USP47: variants seen among roughly 807,000 people sequenced by gnomAD.
USP47 encodes the protein ubiquitin specific peptidase 47, also known as ubiquitin carboxyl-terminal hydrolase 47.
In USP47, 35 loss-of-function variants were observed where a neutral mutation model predicts 165.1. The ratio of observed to expected loss-of-function variants is 0.21; its 90% CI spans 0.16 to 0.28. The LOEUF (loss-of-function observed/expected upper bound fraction) is 0.28. Among genes scored for constraint, USP47 ranks in the 10% least tolerant of loss-of-function variants. The pLI is 1.00. For missense variants in USP47, 1,277 were observed against 1,607.4 expected (o/e 0.79, Z 3.52); for synonymous variants, 531 against 544.5 (o/e 0.98, Z 0.35).
intron 1 of USP47, among the ~76,000 whole-genome samples, chr11:11,875,064 TG>T (rs1270240235): frequency 9.2e-5 from 14 of 151,608 alleles, no homozygotes; most frequent in South Asian, 2.1e-4. Flanking sequence ...TGTGTGTGTG[TG>T]TGTGTGTGTG....
chr11:11,946,767 A>G (rs1439568797), intron 20 of USP47, among the ~76,000 whole-genome samples: 2 of 152,168 alleles, frequency 1.3e-5, no homozygotes, highest in Non-Finnish European at 2.9e-5. Context: ...ATTAAGAGAA[A>G]TGCTGCCTCA....
At chr11:11,951,227 C>A (rs1222149469) in intron 24 of USP47, 1 of 152,152 alleles carries the variant, frequency 6.6e-6, no homozygotes, top group East Asian at 1.9e-4. Context: ...GTATTGTTTT[C>A]CCCTTTTTCA....
chr11:11,929,143 C>T lies in USP47; in HGVS notation c.1387-291C>T, dbSNP rs564558335. Among the ~76,000 whole-genome samples the T allele has an allele frequency of 2.6e-4, 39 of 151,978 alleles. 2 individuals carry two copies. In the South Asian group the frequency reaches 8.1e-3, roughly 32 times the overall value. On this transcript the variant is annotated intron_variant, in intron 11 of 27. Coordinates refer to ENST00000527733, the MANE Select transcript of USP47 (RefSeq NM_001282659.2). The stretch of plus-strand genomic sequence containing the variant: ...TAGCATCTGCTTCTGAAATTTTAGA[C>T]TATTATTTAATTTTTACATATGTAA...
intron 1 of USP47, among the ~76,000 whole-genome samples, chr11:11,844,442 C>T (rs1416402452): frequency 6.6e-6 from 1 of 152,118 alleles, no homozygotes; most frequent in Non-Finnish European, 1.5e-5. Flanking sequence ...TAATCATCAT[C>T]TAAGTTACCC....
chr11:11,921,242 TG>T, intron 10 of USP47, among the ~76,000 whole-genome samples: 1 of 151,492 alleles, frequency 6.6e-6, no homozygotes, highest in Admixed American at 6.6e-5. Flanking sequence ...GTTTTTTTTT[TG>T]TTTTGTTTTG....
intron 1 of USP47, among the ~76,000 whole-genome samples, chr11:11,862,022 G>A (rs1309017581): frequency 7.4e-6 from 1 of 135,482 alleles, no homozygotes; most frequent in Non-Finnish European, 1.6e-5. Context: ...CAGGTACAAA[G>A]TCTTTTTTTT....
intron 1 of USP47, among the ~76,000 whole-genome samples, chr11:11,850,349 T>C (rs747682629): frequency 2.0e-5 from 3 of 151,958 alleles, no homozygotes; most frequent in Non-Finnish European, 4.4e-5. Context: ...CAACTTTGTC[T>C]TCCAGTTTTT....
At chr11:11,854,052 G>T (rs560448246) in intron 1 of USP47, among the ~76,000 whole-genome samples, 1 of 148,082 alleles carries the variant, frequency 6.8e-6, no homozygotes, top group Admixed American at 6.8e-5. Context: ...GGAGAATGGC[G>T]TGAACCCAGA....
chr11:11,896,374 C>A (rs1391110058), intron 4 of USP47, among the ~76,000 whole-genome samples: 1 of 152,124 alleles, frequency 6.6e-6, no homozygotes, highest in Non-Finnish European at 1.5e-5. Context: ...ATTGGTTCTC[C>A]CCCAGACTGT....
chr11:11,922,974 A>G, intron 11 of USP47, 83 bp downstream of exon 11: 1 of 1,280,856 alleles, frequency 7.8e-7, no homozygotes, highest in Non-Finnish European at 1.1e-6. Context: ...GTTGTGACTG[A>G]TAAAGTTATC....
intron 20 of USP47, among the ~76,000 whole-genome samples, chr11:11,946,399 A>G (rs1855842238): frequency 6.6e-6 from 1 of 152,248 alleles, no homozygotes; most frequent in Non-Finnish European, 1.5e-5. Flanking sequence ...CCTATGACAC[A>G]GCACTACTAG....
rs1375662688 is a variant in USP47, at chr11:11,957,529, TAG to T, written c.*1355_*1356del. The T allele has an allele frequency of 2.0e-5, 3 of 152,688 alleles. No individual in the cohort carries two copies. The highest frequency in any genetic ancestry group is 7.2e-5 in the African/African-American group (3 of 41,480). The allele number at this position is 152,688 out of a possible 1,614,324, so 9.5% of individuals were successfully genotyped here. A position where few individuals can be genotyped will look rare whatever the true frequency, so the allele number is the denominator to read the frequency against. On this transcript the variant is annotated 3_prime_UTR_variant, in exon 28 of 28. Transcript: ENST00000527733. ...ATTTGTTCATTCTGTTGTGTTATTT[TAG>T]TCATTAAACTTCTGTGGATGAAGAA...
At position 11,936,520 on chromosome 11, in the gene USP47, T is replaced by A; in HGVS notation, c.2077+10T>A. 1 of 1,556,338 alleles carries A rather than the reference T, an allele frequency of 6.4e-7. No individual in the cohort carries two copies. Among genetic ancestry groups the A allele is most frequent in the Non-Finnish European group, 8.7e-7 (1 of 1,145,746 alleles). ...TCTTATAAACCTGGAGGTGAGCAAT[T>A]TTACACTATTTTTAGTTGTTCTGTA... On this transcript the variant is annotated intron_variant, in intron 17 of 27. Coordinates refer to ENST00000527733, the MANE Select transcript of USP47 (RefSeq NM_001282659.2).
At chr11:11,857,313 A>G (rs749870237) in intron 1 of USP47, among the ~76,000 whole-genome samples, 9 of 152,064 alleles carry the variant, frequency 5.9e-5, no homozygotes, top group Non-Finnish European at 1.2e-4. Context: ...TATATAATCT[A>G]TTATTTTATA....
At chr11:11,887,756 A>G (rs763157240) in intron 3 of USP47, among the ~76,000 whole-genome samples, 15 of 152,180 alleles carry the variant, frequency 9.9e-5, no homozygotes, top group Non-Finnish European at 1.9e-4. Flanking sequence ...TCCCCACCCC[A>G]CAACAACAGA....
At position 11,954,964 on chromosome 11, in the gene USP47, G is replaced by T. The variant is rs2134909812; in HGVS notation, c.3762+20G>T. Reference sequence around the variant, plus strand: ...GCTAAGGTAAAGCCCTGAGAATGTTGCATCTGTGTATTGTGCATGATAAAC... The same window carrying T: ...GCTAAGGTAAAGCCCTGAGAATGTTTCATCTGTGTATTGTGCATGATAAAC... On this transcript the variant is annotated intron_variant, in intron 26 of 27. Coordinates refer to ENST00000527733, the MANE Select transcript of USP47 (RefSeq NM_001282659.2). 1 of 1,613,778 alleles carries T rather than the reference G, an allele frequency of 6.2e-7. No homozygotes were observed. Among genetic ancestry groups the T allele is most frequent in the Non-Finnish European group, 8.5e-7 (1 of 1,179,922 alleles).
chr11:11,859,485 G>A (rs116220715), intron 1 of USP47, among the ~76,000 whole-genome samples: 1 of 152,086 alleles, frequency 6.6e-6, no homozygotes, highest in African/African-American at 2.4e-5. Context: ...AAGGTATAAG[G>A]TTTGTCGCTA....
In USP47 at chr11:11,885,363, ACAACT is replaced by A. The variant is rs1313611153; in HGVS notation, c.357+792_357+796del. 9.2e-5 allele frequency among the ~76,000 whole-genome samples: 14 copies of A among 152,288 alleles called. No individual in the cohort carries two copies. In the East Asian group the frequency reaches 1.2e-3, roughly 13 times the overall value. On this transcript the variant is annotated intron_variant, in intron 3 of 27. Coordinates refer to ENST00000527733, the MANE Select transcript of USP47 (RefSeq NM_001282659.2). ...TCTCGCACTGAGACTGATTAGGCAA[ACAACT>A]CAACTCAAAAAGAATGAAGAAAAGC... is the stretch of plus-strand genomic sequence containing the variant.
intron 16 of USP47, among the ~76,000 whole-genome samples, chr11:11,935,308 G>A (rs1353444232): frequency 6.6e-6 from 1 of 151,896 alleles, no homozygotes; most frequent in Non-Finnish European, 1.5e-5. Context: ...CTGGTATATA[G>A]AATAGTCAAA....
Sources: gnomAD v4.1 joint callset for allele counts (sites outside exome capture counted in the v4.1 genomes callset) on GRCh38, gnomAD v4.1.1 for gene constraint, MANE v1.5 for transcripts, NCBI Gene and HGNC (gene_info 2026-07-23, HGNC 2026-07-21) for gene names.